Variants in C2CD2 observed in about 807,000 individuals in gnomAD.
The protein encoded by C2CD2 is C2 calcium dependent domain containing 2.
In C2CD2, 43 loss-of-function variants were observed where a neutral mutation model predicts 74.3. That is an observed-to-expected ratio of 0.58 (90% CI 0.45 to 0.75). The LOEUF is 0.75. Ranked by LOEUF, C2CD2 falls within the 30% of genes least tolerant of loss-of-function variation. The probability of loss-of-function intolerance (pLI) is 0.00; values close to 1 mark genes in which losing one functional copy is unlikely to be tolerated. For synonymous variants in C2CD2, 422 were observed against 390.7 expected (o/e 1.08, Z -0.94); for missense variants, 801 against 916.3 (o/e 0.87, Z 1.63).
Position 41,899,016 on chromosome 21 carries a change from G to T in C2CD2, c.1870+37C>A. The T allele has an allele frequency of 6.5e-7, 1 of 1,546,114 alleles. No homozygotes were observed. The highest frequency in any genetic ancestry group is 8.9e-7 in the Non-Finnish European group (1 of 1,127,646). ...GCCAGCATGAGCGCAAAGCCACCAA[G>T]TGGGGGGCCCGGGATGGGGGGCTCG... On this transcript the variant is annotated intron_variant, in intron 13 of 13. Transcript: ENST00000380486. This position sits in a 1 kb window ranked among gnomAD's most constrained non-coding sequence, Gnocchi z 4.4.
rs1321075963 is a variant in C2CD2 at position 41,923,080 on chromosome 21, C to A, written c.379-995G>T. Among the ~76,000 whole-genome samples the A allele has an allele frequency of 6.6e-6, 1 of 151,898 alleles. No homozygotes were observed. The highest frequency in any genetic ancestry group is 2.4e-5 in the African/African-American group (1 of 41,342). On this transcript the variant is annotated intron_variant, in intron 2 of 13. Transcript: ENST00000380486. This position sits in a 1 kb window ranked among gnomAD's most constrained non-coding sequence, Gnocchi z 5.8. Reference sequence around the variant, plus strand: ...GCACAATCTTAGCTCACTGCAACCTCCGCCTCCCGGGTTCACACGATTCTC... The same window carrying A: ...GCACAATCTTAGCTCACTGCAACCTACGCCTCCCGGGTTCACACGATTCTC...
intron 2 of C2CD2, among the ~76,000 whole-genome samples, chr21:41,935,988 A>G (rs2065304010): frequency 6.6e-6 from 1 of 150,866 alleles, no homozygotes; most frequent in African/African-American, 2.4e-5. Context: ...AGAAACTATA[A>G]AACTACTAGA....
At chr21:41,950,636 T>C (rs373230489) in intron 1 of C2CD2, among the ~76,000 whole-genome samples, 1 of 152,204 alleles carries the variant, frequency 6.6e-6, no homozygotes, top group African/African-American at 2.4e-5. Context: ...TCCAAGTTGA[T>C]ACTGCATCCC....
intron 8 of C2CD2, chr21:41,908,590 G>C (rs890367399): frequency 6.6e-6 from 1 of 152,028 alleles, no homozygotes; most frequent in Non-Finnish European, 1.5e-5. Context: ...CAGTTTTCTC[G>C]GGACTCCAAA....
chr21:41,947,122 C>CTT, intron 1 of C2CD2, among the ~76,000 whole-genome samples: 1 of 93,784 alleles, frequency 1.1e-5, no homozygotes, highest in African/African-American at 4.5e-5. Flanking sequence ...TTCTCTCTCT[C>CTT]TCTCTCTCTC....
At chr21:41,948,825 TTC>T (rs1196511632) in intron 1 of C2CD2, among the ~76,000 whole-genome samples, 1 of 148,374 alleles carries the variant, frequency 6.7e-6, no homozygotes, top group Non-Finnish European at 1.5e-5. Context: ...GAAACTCCTA[TTC>T]AAGTCAGTGC....
chr21:41,921,943 C>T, intron 3 of C2CD2, 29 bp downstream of exon 3: 2 of 1,409,726 alleles, frequency 1.4e-6, no homozygotes, highest in Non-Finnish European at 2.0e-6. Flanking sequence ...TGACGGGTCT[C>T]ATAACTTGCA....
chr21:41,924,517 C>CA lies in C2CD2; in HGVS notation c.379-2433dup, dbSNP rs1226993205. On this transcript the variant is annotated intron_variant, in intron 2 of 13. Coordinates refer to ENST00000380486, the MANE Select transcript of C2CD2 (RefSeq NM_015500.2). The surrounding 1 kb of genome is among the most constrained non-coding windows in gnomAD (Gnocchi z 4.4). ...CTCCAGAGTTCACAAAGGGCCAGAA[C>CA]AAAAAAATGTTTGTATAAGAAATGT... Among the ~76,000 whole-genome samples the CA allele has an allele frequency of 1.3e-5, 2 of 151,938 alleles. No individual in the cohort carries two copies. The highest frequency in any genetic ancestry group is 3.9e-4 in the East Asian group (2 of 5,186).
chr21:41,906,926 G>T (rs2064968314), intron 10 of C2CD2, 66 bp downstream of exon 10: 2 of 1,289,218 alleles, frequency 1.6e-6, no homozygotes, highest in South Asian at 1.3e-5. Flanking sequence ...CTGCAGTTGT[G>T]GGGGCAAGGT....
chr21:41,947,398 C>T (rs2146234857), intron 1 of C2CD2, among the ~76,000 whole-genome samples: 1 of 152,080 alleles, frequency 6.6e-6, no homozygotes, highest in East Asian at 1.9e-4. Context: ...CTCAGGTGAT[C>T]CGCCCGCCTC....
At chr21:41,889,703 G>A (rs1443731945) in intron 13 of C2CD2, among the ~76,000 whole-genome samples, 1 of 150,960 alleles carries the variant, frequency 6.6e-6, no homozygotes, top group East Asian at 1.9e-4. Context: ...GCGCGATCTT[G>A]GCTCACTGCA....
Position 41,918,182 on chromosome 21 carries a change from T to C in C2CD2, c.643A>G (p.Ile215Val), listed in dbSNP as rs2065113585. ...GCAGAACCAGCCAAATGCTTCAAGA[T>C]GTCCTTGAGAACGTCAGACATCGCA... The part of the protein sequence containing the change: ...TSAMSDVLKD[I>V]LKHLAGSASP... The change falls in exon 5 of 14, where the codon ATC (isoleucine) becomes GTC (valine). Residue 215 changes from isoleucine to valine, a missense_variant. Physicochemically the swap from Ile to Val is conservative, Grantham distance 29. Coordinates refer to ENST00000380486, the MANE Select transcript of C2CD2 (RefSeq NM_015500.2). 3 of 1,613,988 alleles carry C rather than the reference T, an allele frequency of 1.9e-6. No homozygotes were observed. Among genetic ancestry groups the C allele is most frequent in the Non-Finnish European group, 2.5e-6 (3 of 1,179,972 alleles).
intron 1 of C2CD2, among the ~76,000 whole-genome samples, chr21:41,944,655 C>T (rs918646624): frequency 6.6e-6 from 1 of 152,020 alleles, no homozygotes; most frequent in Non-Finnish European, 1.5e-5. Context: ...CCTTGAGTTT[C>T]AGGAGCAGGG....
chr21:41,953,553 G>T lies in C2CD2; in HGVS notation c.96C>A (p.Tyr32Ter). ...CCCTGGCCAGCGCCCACTGCGCCAG[G>T]TACAGGCCTACCGTGGCCAGGGCCG... is the stretch of plus-strand genomic sequence containing the variant. The part of the protein sequence containing the change: ...FVAALATVGL[Y>*]LAQWALARAR... Residue 32 changes from tyrosine to a stop codon, truncating the protein, a stop_gained, in exon 1 of 14, where the codon TAC becomes TAA. Transcript: ENST00000380486. LOFTEE classifies it high-confidence loss of function. 1.3e-6 allele frequency: 2 copies of T among 1,495,216 alleles called. No homozygotes were observed. Among genetic ancestry groups the T allele is most frequent in the Non-Finnish European group, 8.8e-7 (1 of 1,130,322 alleles). The allele number at this position is 1,495,216 out of a possible 1,614,324, so 92.6% of individuals were successfully genotyped here.
At chr21:41,908,875 A>T (rs1463441293) in intron 8 of C2CD2, 1 of 153,156 alleles carries the variant, frequency 6.5e-6, no homozygotes, top group Non-Finnish European at 1.5e-5. Flanking sequence ...TGTTTTAGTG[A>T]CTTTACCTCT....
At chr21:41,948,236 C>T (rs1422213246) in intron 1 of C2CD2, among the ~76,000 whole-genome samples, 1 of 152,188 alleles carries the variant, frequency 6.6e-6, no homozygotes, top group African/African-American at 2.4e-5. Context: ...TCTCCTCCTC[C>T]AGAGGCCCAT....
At chr21:41,921,884 A>G in intron 3 of C2CD2, 88 bp downstream of exon 3, 1 of 776,506 alleles carries the variant, frequency 1.3e-6, no homozygotes, top group South Asian at 1.5e-5. Context: ...CATGAACGTT[A>G]CAGCCCTCTG....
intron 2 of C2CD2, among the ~76,000 whole-genome samples, chr21:41,931,446 C>A (rs536164231): frequency 0.01 from 1,353 of 130,434 alleles, 39 homozygotes; most frequent in African/African-American, 0.035. Context: ...TTTTTTGAGA[C>A]GGAGTCTTGC....
chr21:41,946,314 T>C (rs1368884763), intron 1 of C2CD2, among the ~76,000 whole-genome samples: 3 of 152,182 alleles, frequency 2.0e-5, no homozygotes, highest in Non-Finnish European at 4.4e-5. Context: ...CCAAATCTCA[T>C]GTCGAATTTT....
Sources: allele counts gnomAD v4.1 joint callset (sites outside exome capture counted in the v4.1 genomes callset), GRCh38; gene constraint gnomAD v4.1.1; non-coding constraint Gnocchi (gnomAD v3.1); transcripts MANE v1.5; gene names NCBI Gene and HGNC (gene_info 2026-07-23, HGNC 2026-07-21).